Variants in ACAP1 observed in about 807,000 individuals in gnomAD.
ACAP1 encodes the protein arf-GAP with coiled-coil, ANK repeat and PH domain-containing protein 1.
A neutral mutation model predicts 98.8 loss-of-function variants in ACAP1; 45 were observed. That is an observed-to-expected ratio of 0.46 (90% confidence interval 0.36 to 0.58). The LOEUF (loss-of-function observed/expected upper bound fraction) is 0.58, where lower values mean the gene tolerates loss of function less well. Among genes scored for constraint, ACAP1 ranks in the 20% least tolerant of loss-of-function variants. ACAP1 has a pLI of 0.00. For missense variants in ACAP1, 735 were observed against 971.4 expected (o/e 0.76, Z 3.24); for synonymous variants, 362 against 375.3 (o/e 0.96, Z 0.41).
chr17:7,349,630 C>A, intron 18 of ACAP1: 1 of 320,766 alleles, frequency 3.1e-6, no homozygotes, highest in East Asian at 5.5e-5. Flanking sequence ...CCGCCTCGGC[C>A]TCCCAAAGTG....
intron 1 of ACAP1, among the ~76,000 whole-genome samples, chr17:7,337,072 C>A (rs61759532): frequency 6.6e-6 from 1 of 152,078 alleles, no homozygotes. Context: ...TGCTCTGGGG[C>A]GGTTAGCAAC....
chr17:7,336,935 G>T, intron 1 of ACAP1, 148 bp downstream of exon 1: 1 of 801,730 alleles, frequency 1.2e-6, no homozygotes, highest in Non-Finnish European at 2.1e-6. Flanking sequence ...TACCCCAGCT[G>T]TGAAAGCAGG....
At chr17:7,339,000 A>C (rs2073248221) in intron 2 of ACAP1, among the ~76,000 whole-genome samples, 1 of 151,936 alleles carries the variant, frequency 6.6e-6, no homozygotes, top group Non-Finnish European at 1.5e-5. Context: ...TACAATTAAC[A>C]ATAAACTCGG....
chr17:7,350,995 G>A lies in ACAP1; in HGVS notation c.2118G>A (p.Gln706=). 6.2e-7 allele frequency: 1 copy of A among 1,614,168 alleles called. No homozygotes were observed. The highest frequency in any genetic ancestry group is 8.5e-7 in the Non-Finnish European group (1 of 1,180,014). Residue 706 remains glutamine (Q), a synonymous_variant, in exon 21 of 22, where the codon CAG becomes CAA. Coordinates refer to ENST00000158762, the MANE Select transcript of ACAP1 (RefSeq NM_014716.4). The surrounding 1 kb of genome is among the most constrained non-coding windows in gnomAD (Gnocchi z 4.6). ...GGGAGGCTGAAGCGGCCCAGGGGCA[G>A]GCAGGTAAAGAATACACCCACCCCA... The part of the protein sequence containing the change: ...KMREAEAAQG[Q]AGDETYLDIF...
At chr17:7,346,571 G>C in intron 12 of ACAP1, 80 bp downstream of exon 12, 1 of 1,324,306 alleles carries the variant, frequency 7.6e-7, no homozygotes, top group South Asian at 1.4e-5. Flanking sequence ...CCACAATGGA[G>C]GCCCCCCATG....
At chr17:7,349,220 C>T in intron 18 of ACAP1, 53 bp downstream of exon 18, 1 of 1,595,362 alleles carries the variant, frequency 6.3e-7, no homozygotes, top group Non-Finnish European at 8.6e-7. Flanking sequence ...ACACCTACTC[C>T]TGACTCTGGG....
rs368951578 is a variant in ACAP1, at chr17:7,350,279, C to T, written c.2072+42C>T. On this transcript the variant is annotated intron_variant, in intron 20 of 21. Transcript: ENST00000158762. This position sits in a 1 kb window ranked among gnomAD's most constrained non-coding sequence, Gnocchi z 4.6. The stretch of plus-strand genomic sequence containing the variant: ...GGGCGGGGCTGGCGCTGGGACTCCC[C>T]CCACCCCCGCCCACCCACGTTCGGG... The T allele has an allele frequency of 5.9e-6, 9 of 1,513,334 alleles. No homozygotes were observed. The African/African-American group carries it at 1.1e-4, about 19-fold the overall frequency. 93.7% of individuals were successfully genotyped at this position (1,513,334 alleles called of 1,614,324 possible).
rs751512000 is a variant in ACAP1 at position 7,342,065 on chromosome 17, G to A, written c.229G>A (p.Ala77Thr). 1 of 1,613,890 alleles carries A rather than the reference G, an allele frequency of 6.2e-7. No individual in the cohort carries two copies. Among genetic ancestry groups the A allele is most frequent in the South Asian group, 1.1e-5 (1 of 91,082 alleles). Residue 77 changes from alanine to threonine, a missense_variant and splice_region_variant, in exon 3 of 22, where the codon GCG becomes ACG. Physicochemically the swap from Ala to Thr is moderately conservative, Grantham distance 58. Around this residue, in one of 5 missense-constraint regions of ACAP1, gnomAD observed 430 missense variants for 531.8 expected, o/e 0.81. Transcript: ENST00000158762. Reference protein sequence around the residue: ...ARLGPPEPMMAECLEKFTVSL... With the variant: ...ARLGPPEPMMTECLEKFTVSL... ...CCTGGGTCCACCAGAGCCCATGATG[G>A]CGGTATGCGGAGGGTCTGCATCTGG...
In ACAP1 at chr17:7,342,008, G is replaced by A. The variant is rs1256701079; in HGVS notation, c.172G>A (p.Ala58Thr). Residue 58 changes from alanine to threonine, a missense_variant, in exon 3 of 22, where the codon GCC becomes ACC. Ala to Thr is a moderately conservative substitution (Grantham distance 58). This residue lies in a region of ACAP1 where 430 missense variants were observed against 531.8 expected (regional missense o/e 0.81). Transcript: ENST00000158762. ...SGRHYLAASR[A>T]FVVGICDLAR... ...GCGCCATTACCTTGCTGCCAGCCGC[G>A]CCTTCGTTGTCGGCATTTGTGACCT... The A allele has an allele frequency of 1.7e-5, 27 of 1,613,938 alleles. No individual in the cohort carries two copies. The highest frequency in any genetic ancestry group is 3.3e-5 in the South Asian group (3 of 91,074).
At position 7,346,245 on chromosome 17, in the gene ACAP1, C is replaced by A. The variant is rs765340254; in HGVS notation, c.856C>A (p.Arg286Ser). The change falls in exon 11 of 22, where the codon CGC (arginine) becomes AGC (serine). Residue 286 changes from arginine to serine, a missense_variant and splice_region_variant. Arg to Ser is a moderately radical substitution (Grantham distance 110, BLOSUM62 -1). Transcript: ENST00000158762. ...ASNAFKTWSR[R>S]WFTIQSNQLV... ...TGTAATGATTTCCTTCTCTTACAGA[C>A]GCTGGTTCACCATTCAGAGCAACCA... is the stretch of plus-strand genomic sequence containing the variant. 2 of 1,614,090 alleles carry A rather than the reference C, an allele frequency of 1.2e-6. No individual in the cohort carries two copies. The highest frequency in any genetic ancestry group is 1.7e-6 in the Non-Finnish European group (2 of 1,179,940).
In ACAP1 at chr17:7,336,694, C is replaced by A. The variant is rs199879337; in HGVS notation, c.-41C>A. Reference sequence around the variant, plus strand: ...GCCTCCACCTGCATCCCCAGGGGCCCGGCCTCCAGGGCCCGCTGGCCCCAC... The same window carrying A: ...GCCTCCACCTGCATCCCCAGGGGCCAGGCCTCCAGGGCCCGCTGGCCCCAC... On this transcript the variant is annotated 5_prime_UTR_variant, in exon 1 of 22. Coordinates refer to ENST00000158762, the MANE Select transcript of ACAP1 (RefSeq NM_014716.4). The A allele has an allele frequency of 6.2e-7, 1 of 1,612,206 alleles. No homozygotes were observed. Among genetic ancestry groups the A allele is most frequent in the Non-Finnish European group, 8.5e-7 (1 of 1,178,554 alleles).
chr17:7,347,433 C>A (rs1156658483), intron 14 of ACAP1, 191 bp downstream of exon 14: 5 of 590,094 alleles, frequency 8.5e-6, no homozygotes, highest in Non-Finnish European at 1.5e-5. Flanking sequence ...GGGCCTAGCC[C>A]CTCTGTGTCC....
At position 7,350,264 on chromosome 17, in the gene ACAP1, G is replaced by A. The variant is rs759655568; in HGVS notation, c.2072+27G>A. ...TAAGAATGCCTGAAGGGGCGGGGCT[G>A]GCGCTGGGACTCCCCCCACCCCCGC... is the stretch of plus-strand genomic sequence containing the variant. On this transcript the variant is annotated intron_variant, in intron 20 of 21. Transcript: ENST00000158762. The surrounding 1 kb of genome is among the most constrained non-coding windows in gnomAD (Gnocchi z 4.6). 1.3e-6 allele frequency: 2 copies of A among 1,596,972 alleles called. No individual in the cohort carries two copies. The highest frequency in any genetic ancestry group is 1.7e-6 in the Non-Finnish European group (2 of 1,166,098).
chr17:7,349,456 A>G, intron 18 of ACAP1: 1 of 324,892 alleles, frequency 3.1e-6, no homozygotes, highest in Non-Finnish European at 5.7e-6. Context: ...GCTCACTGCA[A>G]GCTCCGCCTC....
At chr17:7,341,049 T>G (rs956484101) in intron 2 of ACAP1, among the ~76,000 whole-genome samples, 2 of 152,126 alleles carry the variant, frequency 1.3e-5, no homozygotes, top group African/African-American at 2.4e-5. Context: ...GCATTTCCTC[T>G]TGGCCCTGAC....
intron 10 of ACAP1, chr17:7,345,968 G>C (rs999502964): frequency 4.9e-6 from 2 of 406,574 alleles, no homozygotes; most frequent in African/African-American, 4.1e-5. Context: ...TTTTTAAATT[G>C]TAGCAATAGA....
Position 7,348,407 on chromosome 17 carries a change from G to C in ACAP1, c.1610G>C (p.Arg537Thr). 3 of 1,542,662 alleles carry C rather than the reference G, an allele frequency of 1.9e-6. No homozygotes were observed. Among genetic ancestry groups the C allele is most frequent in the South Asian group, 2.5e-5 (2 of 80,628 alleles). ...RGRRGGRGRP[R>T]GQPPVPPKPS... Reference sequence around the variant, plus strand: ...CGAAGAGGTGGCCGGGGGCGCCCAAGGGGGCAGCCTCCTGTGCCCCCAAAG... The same window carrying C: ...CGAAGAGGTGGCCGGGGGCGCCCAACGGGGCAGCCTCCTGTGCCCCCAAAG... Residue 537 changes from arginine (R) to threonine (T), a missense_variant, in exon 17 of 22, where the codon AGG becomes ACG. This residue lies in a region of ACAP1 where 80 missense variants were observed against 64.4 expected (regional missense o/e 1.24). Transcript: ENST00000158762.
At position 7,348,210 on chromosome 17, in the gene ACAP1, C is replaced by A; in HGVS notation, c.1497C>A (p.Pro499=). Reference sequence around the variant, plus strand: ...CCATGGCAGTGAAGAAACCAGGGCCCAGCTGCTCCCGGTGAGCTTGGGGTT... The same window carrying A: ...CCATGGCAGTGAAGAAACCAGGGCCAAGCTGCTCCCGGTGAGCTTGGGGTT... ...VEAMAVKKPG[P]SCSRQEKEAW... Residue 499 remains proline, a synonymous_variant, in exon 16 of 22, where the codon CCC becomes CCA. Transcript: ENST00000158762. 2 of 1,613,808 alleles carry A rather than the reference C, an allele frequency of 1.2e-6. No individual in the cohort carries two copies. Among genetic ancestry groups the A allele is most frequent in the Non-Finnish European group, 1.7e-6 (2 of 1,179,824 alleles).
At chr17:7,345,555 A>G (rs2073337863) in intron 10 of ACAP1, 1 of 152,162 alleles carries the variant, frequency 6.6e-6, no homozygotes, top group Non-Finnish European at 1.5e-5. Flanking sequence ...AACTCCTGAC[A>G]TCAAGCAATC....
Sources: allele counts gnomAD v4.1 joint callset (sites outside exome capture counted in the v4.1 genomes callset), GRCh38; gene constraint gnomAD v4.1.1; regional missense constraint gnomAD v4.1.1; non-coding constraint Gnocchi (gnomAD v3.1); transcripts MANE v1.5; gene names NCBI Gene and HGNC (gene_info 2026-07-23, HGNC 2026-07-21).